B4GALT6: variants seen among roughly 807,000 people sequenced by gnomAD.
The protein encoded by B4GALT6 is UDP-Gal:beta-GlcNAc beta-1,4-galactosyltransferase 6.
Under a neutral mutation model 46.3 loss-of-function variants are expected in B4GALT6, and 14 were observed. That is an observed-to-expected ratio of 0.30 (90% CI 0.20 to 0.47). The LOEUF (loss-of-function observed/expected upper bound fraction) is 0.47, where lower values mean the gene tolerates loss of function less well. Ranked by LOEUF, B4GALT6 falls within the 20% of genes least tolerant of loss-of-function variation. The pLI, the probability that B4GALT6 is intolerant of heterozygous loss-of-function variation, is 0.99. For missense variants in B4GALT6, 386 were observed against 480.1 expected (o/e 0.80, Z 1.83); for synonymous variants, 168 against 162.0 (o/e 1.04, Z -0.28).
rs1375495181 is a variant in B4GALT6 at position 31,624,546 on chromosome 18, ATATT to A, written c.*1064_*1067del. The A allele has an allele frequency of 6.6e-6, 1 of 152,032 alleles. No homozygotes were observed. Among genetic ancestry groups the A allele is most frequent in the African/African-American group, 2.4e-5 (1 of 41,444 alleles). The allele number at this position is 152,032 out of a possible 1,614,324, so 9.4% of individuals were successfully genotyped here. Reference sequence around the variant, plus strand: ...AAGTATTTATCTTTATAAAAATAGAATATTTAATTCTTATCTAATAGTATAATTC... The same window carrying A: ...AAGTATTTATCTTTATAAAAATAGAATAATTCTTATCTAATAGTATAATTC... On this transcript the variant is annotated 3_prime_UTR_variant, in exon 9 of 9. Coordinates refer to ENST00000306851, the MANE Select transcript of B4GALT6 (RefSeq NM_004775.5).
At chr18:31,625,802 G>T in intron 8 of B4GALT6, 41 bp from the exon 9 acceptor site, 1 of 1,512,602 alleles carries the variant, frequency 6.6e-7, no homozygotes, top group African/African-American at 1.4e-5. Flanking sequence ...AACAAAACAT[G>T]TTCAAAAAGG....
chr18:31,675,516 ACTAT>A (rs1279142315), intron 1 of B4GALT6, among the ~76,000 whole-genome samples: 1 of 152,216 alleles, frequency 6.6e-6, no homozygotes, highest in East Asian at 1.9e-4. Context: ...ATATGAAAAC[ACTAT>A]CTAACAAAAG....
In B4GALT6 at chr18:31,645,458, A is replaced by T. The variant is rs771517633; in HGVS notation, c.368T>A (p.Val123Glu). 3.1e-6 allele frequency: 5 copies of T among 1,609,534 alleles called. No individual in the cohort carries two copies. The African/African-American group carries it at 6.7e-5, about 22-fold the overall frequency. Residue 123 changes from valine (V) to glutamate (E), a missense_variant, in exon 4 of 9, where the codon GTA (valine) becomes GAA (glutamate). Transcript: ENST00000306851. ...PYMRGFLNVN[V>E]SEVSFDEIHQ... ...AATTTCATCAAAACTGACTTCGCTT[A>T]CATTGACATTGAGGAATCCTCCTAC...
chr18:31,664,767 C>T (rs1057439631), intron 2 of B4GALT6, among the ~76,000 whole-genome samples: 2 of 152,284 alleles, frequency 1.3e-5, no homozygotes, highest in Middle Eastern at 3.4e-3. Context: ...TCAACCAGCA[C>T]AAATCCTACA....
chr18:31,666,865 G>T (rs901904040), intron 1 of B4GALT6, among the ~76,000 whole-genome samples: 1 of 152,124 alleles, frequency 6.6e-6, no homozygotes, highest in African/African-American at 2.4e-5. Context: ...TGTTTGCGGG[G>T]AGGGGTGATC....
the B4GALT6 span, among the ~76,000 whole-genome samples, chr18:31,698,133 A>C: frequency 1.8e-4 from 28 of 151,706 alleles, no homozygotes; most frequent in African/African-American, 6.5e-4. Context: ...TTCTCTTTTA[A>C]TTTTCCATCT....
chr18:31,678,828 G>C (rs565026313), intron 1 of B4GALT6, among the ~76,000 whole-genome samples: 3 of 152,314 alleles, frequency 2.0e-5, no homozygotes, highest in South Asian at 2.1e-4. Flanking sequence ...TGGACAGGGG[G>C]GCAAACGCAA....
the B4GALT6 span, among the ~76,000 whole-genome samples, chr18:31,698,476 A>T: frequency 6.6e-6 from 1 of 152,028 alleles, no homozygotes; most frequent in Non-Finnish European, 1.5e-5. Flanking sequence ...CTAAAAATAC[A>T]AAACAATTAG....
the B4GALT6 span, among the ~76,000 whole-genome samples, chr18:31,704,588 A>G: frequency 2.6e-5 from 4 of 152,170 alleles, no homozygotes; most frequent in African/African-American, 9.7e-5. Flanking sequence ...AATCTCTGAC[A>G]AACACTCAGG....
Position 31,627,074 on chromosome 18 carries a change from T to G in B4GALT6, c.824A>C (p.Glu275Ala). ...AAAACCATTGATCTTTCTAAATTGT[T>G]CCACTGTCAGCCCACTTACACCACC... ...FFGGVSGLTV[E>A]QFRKINGFPN... The change falls in exon 7 of 9, where the codon GAA becomes GCA. Residue 275 changes from glutamate (E) to alanine (A), a missense_variant. Transcript: ENST00000306851. 6.2e-7 allele frequency: 1 copy of G among 1,611,100 alleles called. No individual in the cohort carries two copies. Among genetic ancestry groups the G allele is most frequent in the Non-Finnish European group, 8.5e-7 (1 of 1,178,726 alleles).
chr18:31,644,587 A>G (rs2073969395), intron 4 of B4GALT6, among the ~76,000 whole-genome samples: 1 of 152,254 alleles, frequency 6.6e-6, no homozygotes, highest in African/African-American at 2.4e-5. Context: ...CATTGGAATT[A>G]CATAAATGTT....
the B4GALT6 span, among the ~76,000 whole-genome samples, chr18:31,709,603 G>GTGTGTA: frequency 5.7e-3 from 778 of 135,356 alleles, 11 homozygotes; most frequent in African/African-American, 0.017. Context: ...GTGTGTGTGT[G>GTGTGTA]TATATATATA....
chr18:31,687,217 T>C (rs1275339731), upstream of B4GALT6, among the ~76,000 whole-genome samples: 1 of 152,214 alleles, frequency 6.6e-6, no homozygotes, highest in East Asian at 1.9e-4. Flanking sequence ...GTTGTGAGGA[T>C]TAAATTAAAT....
the B4GALT6 span, among the ~76,000 whole-genome samples, chr18:31,722,974 T>C: frequency 6.6e-6 from 1 of 152,202 alleles, no homozygotes; most frequent in Non-Finnish European, 1.5e-5. Context: ...ATACTAATCA[T>C]GAGGTTGGAT....
At chr18:31,647,281 A>G (rs2074002098) in intron 3 of B4GALT6, among the ~76,000 whole-genome samples, 1 of 152,202 alleles carries the variant, frequency 6.6e-6, no homozygotes, top group South Asian at 2.1e-4. Flanking sequence ...TATTGCTTCA[A>G]CAGCTGTAAT....
the B4GALT6 span, among the ~76,000 whole-genome samples, chr18:31,717,238 A>G: frequency 6.6e-6 from 1 of 152,232 alleles, no homozygotes; most frequent in Admixed American, 6.5e-5. Flanking sequence ...ATACTACTTA[A>G]TCAATTATAC....
At chr18:31,700,468 T>TGAGA in the B4GALT6 span, among the ~76,000 whole-genome samples, 13,902 of 148,104 alleles carry the variant, frequency 0.094, 773 homozygotes, top group Non-Finnish European at 0.12. Flanking sequence ...TGTGTGTGTG[T>TGAGA]GAGAGAGAGA....
chr18:31,645,583 A>T, intron 3 of B4GALT6, 104 bp from the exon 4 acceptor site: 1 of 1,188,404 alleles, frequency 8.4e-7, no homozygotes, highest in Non-Finnish European at 1.2e-6. Context: ...AGTTGCCAGG[A>T]CAATACAGTT....
At chr18:31,635,766 T>C (rs1038309199) in intron 5 of B4GALT6, among the ~76,000 whole-genome samples, 1 of 152,056 alleles carries the variant, frequency 6.6e-6, no homozygotes, top group Non-Finnish European at 1.5e-5. Context: ...TGCAGTGAGC[T>C]GAGATCGTGC....
Sources: gnomAD v4.1 joint callset for allele counts (sites outside exome capture counted in the v4.1 genomes callset) on GRCh38, gnomAD v4.1.1 for gene constraint, MANE v1.5 for transcripts, NCBI Gene and HGNC (gene_info 2026-07-23, HGNC 2026-07-21) for gene names.